PRKG1: variants seen among roughly 807,000 people sequenced by gnomAD.
PRKG1 encodes the protein protein kinase cGMP-dependent 1.
PRKG1 carries 35 observed loss-of-function variants against 88.1 expected under a neutral mutation model. The ratio of observed to expected loss-of-function variants is 0.40; its 90% CI spans 0.30 to 0.53. The LOEUF is 0.53. Among genes scored for constraint, PRKG1 ranks in the 20% least tolerant of loss-of-function variants. The probability of loss-of-function intolerance (pLI) is 0.59; values close to 1 mark genes in which losing one functional copy is unlikely to be tolerated. For missense variants in PRKG1, 540 were observed against 839.8 expected (o/e 0.64, Z 4.41); for synonymous variants, 303 against 292.5 (o/e 1.04, Z -0.37).
chr10:51,893,447 CAG>C (rs1841770689), intron 4 of PRKG1, among the ~76,000 whole-genome samples: 1 of 152,104 alleles, frequency 6.6e-6, no homozygotes, highest in Non-Finnish European at 1.5e-5. Flanking sequence ...GGGTGGCATA[CAG>C]AGAGTGAATG....
chr10:51,114,990 T>C (rs560449154), intron 1 of PRKG1, among the ~76,000 whole-genome samples: 4 of 152,234 alleles, frequency 2.6e-5, no homozygotes, highest in African/African-American at 9.6e-5. Flanking sequence ...TGATATATTA[T>C]GTGCAAAGTA....
At chr10:51,692,229 C>CT (rs60619180) in intron 3 of PRKG1, among the ~76,000 whole-genome samples, 22,981 of 148,208 alleles carry the variant, frequency 0.16, 2,963 homozygotes, top group African/African-American at 0.38. Flanking sequence ...CTATATTGGC[C>CT]TTTTTAAAAA....
chr10:51,155,953 A>T (rs904093455), intron 2 of PRKG1, among the ~76,000 whole-genome samples: 2 of 151,992 alleles, frequency 1.3e-5, no homozygotes, highest in Non-Finnish European at 2.9e-5. Flanking sequence ...ATCCAAGTTG[A>T]CATGTAAAAT....
chr10:51,040,794 A>G (rs961223963), intron 1 of PRKG1, among the ~76,000 whole-genome samples: 23 of 151,890 alleles, frequency 1.5e-4, no homozygotes, highest in African/African-American at 5.3e-4. Context: ...TGATTTTTGT[A>G]TATTGGTTTT....
At chr10:51,339,236 C>T (rs1841949355) in intron 2 of PRKG1, among the ~76,000 whole-genome samples, 1 of 152,238 alleles carries the variant, frequency 6.6e-6, no homozygotes, top group African/African-American at 2.4e-5. Flanking sequence ...TTATAAAGTA[C>T]TTGCTATGAA....
chr10:51,870,805 A>C (rs535797722), intron 4 of PRKG1, among the ~76,000 whole-genome samples: 1 of 151,958 alleles, frequency 6.6e-6, no homozygotes, highest in East Asian at 1.9e-4. Flanking sequence ...CTGTGGTATA[A>C]ATATCTACAC....
intron 9 of PRKG1, among the ~76,000 whole-genome samples, chr10:52,206,681 G>A (rs1322088208): frequency 6.6e-6 from 1 of 152,148 alleles, no homozygotes; most frequent in Non-Finnish European, 1.5e-5. Context: ...GATTTCAGGG[G>A]CCAGGGCTCA....
intron 2 of PRKG1, among the ~76,000 whole-genome samples, chr10:51,369,138 A>T (rs1483933940): frequency 6.6e-6 from 1 of 152,094 alleles, no homozygotes; most frequent in Non-Finnish European, 1.5e-5. Context: ...TGCCAATAGG[A>T]GGCGCTCATA....
intron 3 of PRKG1, among the ~76,000 whole-genome samples, chr10:51,468,222 A>T (rs2132815833): frequency 6.6e-6 from 1 of 151,958 alleles, no homozygotes; most frequent in African/African-American, 2.4e-5. Context: ...CATAAATTCC[A>T]CTTGTTTACT....
intron 14 of PRKG1, among the ~76,000 whole-genome samples, chr10:52,286,891 T>C (rs1842128319): frequency 6.6e-6 from 1 of 151,990 alleles, no homozygotes; most frequent in South Asian, 2.1e-4. Flanking sequence ...AATATAATCC[T>C]GTGTGTCTAC....
chr10:51,500,222 G>A (rs1840982036), intron 3 of PRKG1, among the ~76,000 whole-genome samples: 1 of 152,128 alleles, frequency 6.6e-6, no homozygotes, highest in Non-Finnish European at 1.5e-5. Flanking sequence ...GTAGCAGAGA[G>A]GATTTGAATG....
chr10:51,576,843 G>A (rs1330162540), intron 3 of PRKG1, among the ~76,000 whole-genome samples: 4 of 151,366 alleles, frequency 2.6e-5, no homozygotes, highest in East Asian at 1.9e-4. Flanking sequence ...TGTCATTTGC[G>A]TCTACTTGGG....
At chr10:51,595,118 A>G (rs1366669780) in intron 3 of PRKG1, among the ~76,000 whole-genome samples, 1 of 152,170 alleles carries the variant, frequency 6.6e-6, no homozygotes, top group South Asian at 2.1e-4. Flanking sequence ...AAGCCAAGGC[A>G]GAAAGATTGC....
At chr10:51,697,688 T>C (rs757108476) in intron 3 of PRKG1, 1 of 1,613,148 alleles carries the variant, frequency 6.2e-7, no homozygotes, top group Non-Finnish European at 8.5e-7. Context: ...CCAAATATTT[T>C]CTAAAACCTT....
At chr10:51,588,802 C>T (rs533406219) in intron 3 of PRKG1, among the ~76,000 whole-genome samples, 2 of 152,174 alleles carry the variant, frequency 1.3e-5, no homozygotes, top group African/African-American at 2.4e-5. Flanking sequence ...TTAAAATAAA[C>T]AAATATAGCT....
chr10:52,009,900 T>A (rs1044934579), intron 5 of PRKG1, among the ~76,000 whole-genome samples: 1 of 152,052 alleles, frequency 6.6e-6, no homozygotes, highest in African/African-American at 2.4e-5. Context: ...TTGACTGAGA[T>A]GATGAAAACA....
chr10:51,736,190 G>A (rs151240621), intron 3 of PRKG1, among the ~76,000 whole-genome samples: 267 of 151,738 alleles, frequency 1.8e-3, no homozygotes, highest in African/African-American at 6.2e-3. Context: ...CCATGACTGG[G>A]AGTTATTTCT....
chr10:51,494,263 A>G (rs1366849615), intron 3 of PRKG1, among the ~76,000 whole-genome samples: 1 of 152,198 alleles, frequency 6.6e-6, no homozygotes, highest in Non-Finnish European at 1.5e-5. Context: ...CAGAAAAACT[A>G]GAGTGATTTC....
chr10:50,999,342 GTTTA>G (rs1842864555), intron 1 of PRKG1, among the ~76,000 whole-genome samples: 1 of 152,180 alleles, frequency 6.6e-6, no homozygotes, highest in Non-Finnish European at 1.5e-5. Flanking sequence ...TCATCTGAGT[GTTTA>G]TTTATTAAGG....
Sources: gnomAD v4.1 joint callset for allele counts (sites outside exome capture counted in the v4.1 genomes callset) on GRCh38, gnomAD v4.1.1 for gene constraint, MANE v1.5 for transcripts, NCBI Gene and HGNC (gene_info 2026-07-23, HGNC 2026-07-21) for gene names.